Variants in PKHD1L1 observed in about 807,000 individuals in gnomAD.
The protein encoded by PKHD1L1 is PKHD1 like 1.
In PKHD1L1, 434 loss-of-function variants were observed where a neutral mutation model predicts 462.9. That is an observed-to-expected ratio of 0.94 (90% confidence interval 0.87 to 1.02). The LOEUF is 1.02. Among genes scored for constraint, PKHD1L1 ranks in the 50% least tolerant of loss-of-function variants. PKHD1L1 has a pLI of 0.00. For synonymous variants in PKHD1L1, 1,781 were observed against 1,750.0 expected, an observed-to-expected ratio of 1.02 and a Z score of -0.44; for missense variants, 5,202 against 5,096.1, an observed-to-expected ratio of 1.02 and a Z score of -0.63.
At position 109,382,494 on chromosome 8, in the gene PKHD1L1, G is replaced by T; in HGVS notation, c.340G>T (p.Val114Phe). ...GCCGGAAGATTCCTACACTGTTAGA[G>T]TCAGTGTGGACGGGGTTCCTGTTAC... is the stretch of plus-strand genomic sequence containing the variant. ...AMPEDSYTVR[V>F]SVDGVPVTEN... The change falls in exon 4 of 78, where the codon GTC (valine) becomes TTC (phenylalanine). Residue 114 changes from valine (V) to phenylalanine (F), a missense_variant. Physicochemically the swap from Val to Phe is conservative, Grantham distance 50. This residue lies in a region of PKHD1L1 where 4,497 missense variants were observed against 4,336.8 expected (regional missense o/e 1.04). Transcript: ENST00000378402. 2 of 1,611,792 alleles carry T rather than the reference G, an allele frequency of 1.2e-6. No homozygotes were observed. Among genetic ancestry groups the T allele is most frequent in the African/African-American group, 1.3e-5 (1 of 74,848 alleles).
intron 27 of PKHD1L1, among the ~76,000 whole-genome samples, chr8:109,431,364 T>G (rs773721325): frequency 1.3e-5 from 2 of 152,194 alleles, no homozygotes; most frequent in Non-Finnish European, 2.9e-5. Context: ...TTGTGTCATA[T>G]TTACTTCCAA....
At chr8:109,527,281 C>G (rs1240311938) in intron 77 of PKHD1L1, among the ~76,000 whole-genome samples, 1 of 152,174 alleles carries the variant, frequency 6.6e-6, no homozygotes, top group Admixed American at 6.5e-5. Context: ...GCAGGTGGAT[C>G]ACCTGAGGTC....
intron 39 of PKHD1L1, among the ~76,000 whole-genome samples, chr8:109,448,725 T>C (rs1816312545): frequency 6.6e-6 from 1 of 151,968 alleles, no homozygotes; most frequent in South Asian, 2.1e-4. Flanking sequence ...CATGAAAATT[T>C]ATAGCACAAT....
chr8:109,404,181 C>A (rs1389324029), intron 14 of PKHD1L1, among the ~76,000 whole-genome samples: 1 of 152,114 alleles, frequency 6.6e-6, no homozygotes, highest in Admixed American at 6.6e-5. Flanking sequence ...CTAAGCCTGC[C>A]ATTTTCTTGA....
chr8:109,476,461 C>G, intron 51 of PKHD1L1, 47 bp from the exon 52 acceptor site: 1 of 1,217,264 alleles, frequency 8.2e-7, no homozygotes, highest in Non-Finnish European at 1.1e-6. Context: ...ATGTGTTATA[C>G]GAAGAATATT....
At position 109,362,761 on chromosome 8, in the gene PKHD1L1, C is replaced by A. The variant is rs930074627; in HGVS notation, c.73+108C>A. On this transcript the variant is annotated intron_variant, in intron 1 of 77. Transcript: ENST00000378402. ...AGGACCACCTGGCACCTGGCTGAGG[C>A]TGTGGGTGCGGTTGCATGACGATCC... 11 of 1,255,416 alleles carry A rather than the reference C, an allele frequency of 8.8e-6. No individual in the cohort carries two copies. The African/African-American group carries it at 1.6e-4, about 19-fold the overall frequency. The allele number at this position is 1,255,416 out of a possible 1,614,324, so 77.8% of individuals were successfully genotyped here. A position where few individuals can be genotyped will look rare whatever the true frequency, so the allele number is the denominator to read the frequency against.
At chr8:109,394,065 T>C (rs369915219) in intron 9 of PKHD1L1, among the ~76,000 whole-genome samples, 2 of 148,208 alleles carry the variant, frequency 1.3e-5, no homozygotes, top group East Asian at 4.0e-4. Context: ...TCCCAGCTAC[T>C]CAGCAGGCTG....
Position 109,444,849 on chromosome 8 carries a change from C to A in PKHD1L1, c.4980C>A (p.Asn1660Lys). Reference sequence around the variant, plus strand: ...ATAGGCGATTTGTACTTTTGCCAAACATTGACCTGGTGTTGCCAAATGCAG... The same window carrying A: ...ATAGGCGATTTGTACTTTTGCCAAAAATTGACCTGGTGTTGCCAAATGCAG... ...EFDRRFVLLPNIDLVLPNAGS... is the reference protein window; with the variant it reads ...EFDRRFVLLPKIDLVLPNAGS... Residue 1660 changes from asparagine to lysine, a missense_variant, in exon 38 of 78, where the codon AAC becomes AAA. By Grantham distance (94) the Asn-to-Lys change is moderately conservative (BLOSUM62 0). Coordinates refer to ENST00000378402, the MANE Select transcript of PKHD1L1 (RefSeq NM_177531.6). 1 of 1,613,996 alleles carries A rather than the reference C, an allele frequency of 6.2e-7. No individual in the cohort carries two copies. Among genetic ancestry groups the A allele is most frequent in the South Asian group, 1.1e-5 (1 of 91,084 alleles).
At chr8:109,477,128 A>T (rs1818028624) in intron 52 of PKHD1L1, 97 bp from the exon 53 acceptor site, 1 of 1,123,956 alleles carries the variant, frequency 8.9e-7, no homozygotes, top group Non-Finnish European at 1.3e-6. Context: ...AATTCAAGTT[A>T]CTACCTAAAG....
chr8:109,499,995 C>T (rs974713561), intron 67 of PKHD1L1, among the ~76,000 whole-genome samples: 2 of 152,054 alleles, frequency 1.3e-5, no homozygotes, highest in Admixed American at 1.3e-4. Flanking sequence ...CTTGATTTCC[C>T]GGGTATGTGG....
intron 26 of PKHD1L1, 127 bp downstream of exon 26, chr8:109,429,589 A>G: frequency 2.2e-6 from 2 of 909,524 alleles, no homozygotes; most frequent in Non-Finnish European, 3.3e-6. Context: ...TTGTCTTAAT[A>G]TTGATCAACT....
At chr8:109,366,305 C>T (rs899715229) in intron 2 of PKHD1L1, among the ~76,000 whole-genome samples, 3 of 152,168 alleles carry the variant, frequency 2.0e-5, no homozygotes, top group Non-Finnish European at 2.9e-5. Context: ...TAACAATTCC[C>T]GATTTCTCTT....
intron 19 of PKHD1L1, among the ~76,000 whole-genome samples, chr8:109,411,162 C>G (rs916098210): frequency 6.6e-6 from 1 of 151,432 alleles, no homozygotes; most frequent in Non-Finnish European, 1.5e-5. Flanking sequence ...CGACATAACA[C>G]TCTGGTTAAT....
Position 109,419,249 on chromosome 8 carries a change from C to A in PKHD1L1, c.2513C>A (p.Ser838Ter). 2.5e-6 allele frequency: 4 copies of A among 1,601,536 alleles called. No individual in the cohort carries two copies. The highest frequency in any genetic ancestry group is 3.4e-6 in the Non-Finnish European group (4 of 1,172,760). Residue 838 changes from serine to a stop codon, truncating the protein, a stop_gained, in exon 22 of 78, where the codon TCA becomes TAA. Coordinates refer to ENST00000378402, the MANE Select transcript of PKHD1L1 (RefSeq NM_177531.6). LOFTEE classifies it high-confidence loss of function. ...VVYIGHTSTISTLDEMPKRRL... is the reference protein window; with the variant it reads ...VVYIGHTSTI ...TACATTGGACACACATCTACAATCT[C>A]AACATTGGATGGTATGTTGTATCAT...
rs749617435 is a variant in PKHD1L1, at chr8:109,452,412, A to C, written c.6507+132A>C. ...CTGAGCTGTGACCATAATAAATCTAAAGTAGCTTACATTTTTTGTTGCTTT... is the reference window on the plus strand; with the variant it reads ...CTGAGCTGTGACCATAATAAATCTACAGTAGCTTACATTTTTTGTTGCTTT... On this transcript the variant is annotated intron_variant, in intron 42 of 77. Coordinates refer to ENST00000378402, the MANE Select transcript of PKHD1L1 (RefSeq NM_177531.6). 3.4e-4 allele frequency: 303 copies of C among 880,768 alleles called. 2 individuals carry two copies. The highest frequency in any genetic ancestry group is 1.0e-3 in the Middle Eastern group (4 of 3,896). The allele number at this position is 880,768 out of a possible 1,614,324, so 54.6% of individuals were successfully genotyped here.
In PKHD1L1 at chr8:109,412,420, C is replaced by T; in HGVS notation, c.2235+6C>T. ...TATTGTTTCCTTATAATCAGGTAAG[C>T]TCAACAAAATGATATGCTAATTGAA... On this transcript the variant is annotated splice_donor_region_variant and intron_variant, in intron 20 of 77. Transcript: ENST00000378402. The T allele has an allele frequency of 1.9e-6, 3 of 1,598,956 alleles. No individual in the cohort carries two copies. The highest frequency in any genetic ancestry group is 1.7e-6 in the Non-Finnish European group (2 of 1,172,006).
chr8:109,460,262 T>C (rs954978081), intron 47 of PKHD1L1, among the ~76,000 whole-genome samples: 9 of 152,154 alleles, frequency 5.9e-5, no homozygotes, highest in African/African-American at 2.2e-4. Context: ...TATTTGATAG[T>C]GATACAAAGA....
chr8:109,382,740 A>G (rs1812191227), intron 4 of PKHD1L1, among the ~76,000 whole-genome samples, 169 bp downstream of exon 4: 3 of 151,978 alleles, frequency 2.0e-5, no homozygotes, highest in African/African-American at 7.2e-5. Context: ...TAGTAATTTA[A>G]TGTCTGTTAT....
chr8:109,440,917 G>A, intron 33 of PKHD1L1, 65 bp downstream of exon 33: 1 of 1,503,332 alleles, frequency 6.7e-7, no homozygotes, highest in Non-Finnish European at 9.0e-7. Context: ...TACTACAGGT[G>A]CTGAGTTATT....
Sources: gnomAD v4.1 joint callset for allele counts (sites outside exome capture counted in the v4.1 genomes callset) on GRCh38, gnomAD v4.1.1 for gene constraint, gnomAD v4.1.1 regional missense constraint, MANE v1.5 for transcripts, NCBI Gene and HGNC (gene_info 2026-07-23, HGNC 2026-07-21) for gene names.